The following CDH13 variants were observed in gnomAD, a reference collection of about 807,000 sequenced individuals.
The protein encoded by CDH13 is cadherin-13.
In CDH13, 24 loss-of-function variants were observed where a neutral mutation model predicts 63.8. The ratio of observed to expected loss-of-function variants is 0.38; its 90% CI spans 0.27 to 0.53. The LOEUF (loss-of-function observed/expected upper bound fraction) is 0.53. Among genes scored for constraint, CDH13 ranks in the 20% least tolerant of loss-of-function variants. CDH13 has a pLI of 0.85. For synonymous variants in CDH13, 503 were observed against 355.3 expected (o/e 1.42, Z -4.67); for missense variants, 1,049 against 903.1 (o/e 1.16, Z -2.07).
chr16:83,480,509 C>T (rs1440386627), intron 6 of CDH13, among the ~76,000 whole-genome samples: 1 of 152,158 alleles, frequency 6.6e-6, no homozygotes, highest in African/African-American at 2.4e-5. Context: ...CCTGCTTGGT[C>T]AGGAAACAAT....
intron 7 of CDH13, among the ~76,000 whole-genome samples, chr16:83,513,024 G>T (rs201170063): frequency 1.7e-5 from 1 of 59,524 alleles, no homozygotes; most frequent in East Asian, 4.8e-4. Flanking sequence ...ATAAATAAAA[G>T]AAGAAAAAAA....
chr16:83,697,665 T>C (rs1417489891), intron 10 of CDH13, among the ~76,000 whole-genome samples: 1 of 152,236 alleles, frequency 6.6e-6, no homozygotes, highest in Non-Finnish European at 1.5e-5. Context: ...CAATGGTTTT[T>C]GAGACAGAGT....
chr16:82,966,551 G>C (rs1048068781), intron 2 of CDH13, among the ~76,000 whole-genome samples: 1 of 152,174 alleles, frequency 6.6e-6, no homozygotes, highest in African/African-American at 2.4e-5. Flanking sequence ...TTCCGATCCA[G>C]ATTGCTCTGA....
chr16:83,012,116 T>G (rs796110740), intron 2 of CDH13, among the ~76,000 whole-genome samples: 1 of 152,178 alleles, frequency 6.6e-6, no homozygotes, highest in Non-Finnish European at 1.5e-5. Flanking sequence ...TAAAAAACTT[T>G]AGGAATTCAG....
chr16:83,138,035 TGCAA>T (rs2036373956), intron 4 of CDH13, among the ~76,000 whole-genome samples: 2 of 152,104 alleles, frequency 1.3e-5, no homozygotes, highest in Admixed American at 1.3e-4. Flanking sequence ...GGCCCACTTC[TGCAA>T]CCAGTAATGG....
chr16:83,702,933 T>TG (rs1906469213), intron 10 of CDH13, among the ~76,000 whole-genome samples: 2 of 152,262 alleles, frequency 1.3e-5, no homozygotes, highest in African/African-American at 4.8e-5. Context: ...CATGTGGAGG[T>TG]GGGGCAGGGA....
intron 3 of CDH13, among the ~76,000 whole-genome samples, chr16:83,121,316 C>T (rs1423229466): frequency 2.6e-5 from 4 of 152,092 alleles, no homozygotes; most frequent in African/African-American, 9.7e-5. Flanking sequence ...CTATATTTTC[C>T]TACATAGCTT....
intron 5 of CDH13, among the ~76,000 whole-genome samples, chr16:83,222,175 C>T (rs1186079922): frequency 6.6e-6 from 1 of 152,242 alleles, no homozygotes. Context: ...AAGGACCTCA[C>T]TGCCACCTTC....
chr16:82,794,529 G>C (rs2036486329), intron 1 of CDH13, among the ~76,000 whole-genome samples: 1 of 151,148 alleles, frequency 6.6e-6, no homozygotes, highest in Non-Finnish European at 1.5e-5. Context: ...TAACATAAAA[G>C]AGCGGTTTAA....
chr16:83,074,185 C>A (rs1343370854), intron 3 of CDH13, among the ~76,000 whole-genome samples: 1 of 152,170 alleles, frequency 6.6e-6, no homozygotes, highest in Non-Finnish European at 1.5e-5. Flanking sequence ...TGGTAACCAC[C>A]ATTGCGCTCT....
chr16:82,948,874 A>G (rs1172682060), intron 2 of CDH13, among the ~76,000 whole-genome samples: 1 of 152,214 alleles, frequency 6.6e-6, no homozygotes, highest in Non-Finnish European at 1.5e-5. Context: ...ACACATTTTA[A>G]TGAGGACCAG....
chr16:82,686,946 A>C (rs551432727), intron 1 of CDH13, among the ~76,000 whole-genome samples: 2 of 152,344 alleles, frequency 1.3e-5, no homozygotes, highest in South Asian at 4.1e-4. Flanking sequence ...TCAAAATGCT[A>C]GAAATGAGAG....
intron 11 of CDH13, among the ~76,000 whole-genome samples, chr16:83,763,045 A>G (rs1282455583): frequency 1.3e-5 from 2 of 152,188 alleles, no homozygotes; most frequent in African/African-American, 4.8e-5. Flanking sequence ...TCTTTATATG[A>G]TTATCAAACG....
intron 7 of CDH13, among the ~76,000 whole-genome samples, chr16:83,580,550 A>G (rs1463041533): frequency 7.0e-6 from 1 of 142,166 alleles, no homozygotes. Flanking sequence ...GCTATAGTGC[A>G]GTGGTATGAT....
chr16:83,527,929 A>G (rs1369250952), intron 7 of CDH13, among the ~76,000 whole-genome samples: 1 of 152,230 alleles, frequency 6.6e-6, no homozygotes, highest in Non-Finnish European at 1.5e-5. Context: ...TTCAAACAAT[A>G]TTAGAGCCAG....
At chr16:82,770,531 CA>C (rs1194726403) in intron 1 of CDH13, among the ~76,000 whole-genome samples, 2 of 152,114 alleles carry the variant, frequency 1.3e-5, no homozygotes, top group African/African-American at 4.8e-5. Context: ...AAAAAATCAT[CA>C]TAAGTTTAAT....
chr16:83,006,152 C>G (rs1432624824), intron 2 of CDH13, among the ~76,000 whole-genome samples: 1 of 152,154 alleles, frequency 6.6e-6, no homozygotes, highest in Non-Finnish European at 1.5e-5. Flanking sequence ...TTTTCATCTA[C>G]TGGCAGCTCA....
chr16:82,914,330 A>G (rs1055029458), intron 2 of CDH13, among the ~76,000 whole-genome samples: 5 of 152,236 alleles, frequency 3.3e-5, no homozygotes, highest in African/African-American at 1.2e-4. Context: ...TAGTCTTCAT[A>G]AAGATGCCTT....
intron 4 of CDH13, among the ~76,000 whole-genome samples, chr16:83,164,711 ACT>A (rs2037587270): frequency 1.4e-5 from 2 of 139,592 alleles, no homozygotes; most frequent in South Asian, 4.4e-4. Context: ...CAAGAGCGAG[ACT>A]CTGTCTCAAA....
Sources: allele counts gnomAD v4.1 joint callset (sites outside exome capture counted in the v4.1 genomes callset), GRCh38; gene constraint gnomAD v4.1.1; transcripts MANE v1.5; gene names NCBI Gene and HGNC (gene_info 2026-07-23, HGNC 2026-07-21).